The following NEGR1 variants were observed in gnomAD, a reference collection of about 807,000 sequenced individuals.
The protein encoded by NEGR1 is neuronal growth regulator 1.
Under a neutral mutation model 40.9 loss-of-function variants are expected in NEGR1, and 10 were observed. That is an observed-to-expected ratio of 0.24 (90% CI 0.15 to 0.42). The LOEUF is 0.42. NEGR1 is among the 10% of genes least tolerant of loss of function. The pLI is 1.00. For synonymous variants in NEGR1, 185 were observed against 166.8 expected (o/e 1.11, Z -0.84); for missense variants, 352 against 438.9 (o/e 0.80, Z 1.77).
At chr1:72,030,133 T>C (rs1646844323) in intron 1 of NEGR1, among the ~76,000 whole-genome samples, 1 of 152,054 alleles carries the variant, frequency 6.6e-6, no homozygotes, top group African/African-American at 2.4e-5. Context: ...TGGTGCTCAC[T>C]TGACACAAGT....
chr1:71,857,626 CAAAAAAAAAAAAAA>C (rs59343025), intron 2 of NEGR1, among the ~76,000 whole-genome samples: 62 of 53,436 alleles, frequency 1.2e-3, no homozygotes, highest in Middle Eastern at 0.016. Flanking sequence ...GATCCTGTCT[CAAAAAAAAAAAAAA>C]AAAAAAAAAA....
intron 4 of NEGR1, among the ~76,000 whole-genome samples, chr1:71,668,776 T>A (rs1652321837): frequency 6.6e-6 from 1 of 152,042 alleles, no homozygotes; most frequent in African/African-American, 2.4e-5. Context: ...GGGGAGAAAG[T>A]CTTGCAGAAG....
chr1:71,986,053 A>G (rs1646391364), intron 1 of NEGR1, among the ~76,000 whole-genome samples: 1 of 152,258 alleles, frequency 6.6e-6, no homozygotes, highest in African/African-American at 2.4e-5. Context: ...TTGAGTATAC[A>G]TGAAGTGGAA....
At chr1:71,445,430 T>C (rs1646575262) in intron 6 of NEGR1, among the ~76,000 whole-genome samples, 1 of 150,610 alleles carries the variant, frequency 6.6e-6, no homozygotes, top group Non-Finnish European at 1.5e-5. Context: ...AAAAAAAAAC[T>C]CCAAATATTG....
In NEGR1 at chr1:71,935,119, T is replaced by C. The variant is rs1218273269; in HGVS notation, c.369A>G (p.Gln123=). 2.4e-5 allele frequency: 38 copies of C among 1,613,240 alleles called. No homozygotes were observed. The Admixed American group carries it at 5.0e-4, about 21-fold the overall frequency. Residue 123 remains glutamine (Q), a synonymous_variant, in exon 2 of 7, where the codon CAA becomes CAG. Transcript: ENST00000357731. The part of the protein sequence containing the change: ...DGPYTCSVQT[Q]HTPRTMQVHL... ...GCACCTGCATTGTTCTGGGTGTATG[T>C]TGAGTCTGAACAGAACACGTGTATG...
intron 1 of NEGR1, among the ~76,000 whole-genome samples, chr1:71,960,819 A>G (rs1425601301): frequency 6.6e-6 from 1 of 152,172 alleles, no homozygotes; most frequent in East Asian, 1.9e-4. Context: ...AATTCAACTC[A>G]GTCAGCTCTT....
chr1:71,548,285 G>T (rs373033543), intron 6 of NEGR1, among the ~76,000 whole-genome samples: 2 of 151,678 alleles, frequency 1.3e-5, no homozygotes, highest in East Asian at 2.0e-4. Flanking sequence ...GATTCTGTAG[G>T]CTCAGGGATC....
chr1:71,737,133 A>G (rs770359497), intron 3 of NEGR1, among the ~76,000 whole-genome samples: 1 of 152,222 alleles, frequency 6.6e-6, no homozygotes, highest in African/African-American at 2.4e-5. Context: ...CAAAGTAGAG[A>G]TGTAACCTGA....
At chr1:71,575,969 G>T (rs1570053313) in intron 6 of NEGR1, among the ~76,000 whole-genome samples, 4 of 152,182 alleles carry the variant, frequency 2.6e-5, no homozygotes, top group African/African-American at 9.7e-5. Context: ...TTTAAAGAGA[G>T]TTCTGTGTCC....
intron 3 of NEGR1, among the ~76,000 whole-genome samples, chr1:71,764,960 A>G (rs896003356): frequency 6.6e-6 from 1 of 152,142 alleles, no homozygotes; most frequent in Non-Finnish European, 1.5e-5. Context: ...TACAAAAACC[A>G]GTGATGACCA....
chr1:71,662,795 A>T (rs1289779287), intron 4 of NEGR1, among the ~76,000 whole-genome samples: 1 of 151,860 alleles, frequency 6.6e-6, no homozygotes, highest in African/African-American at 2.4e-5. Flanking sequence ...GACTTTTAAA[A>T]ATGTAACTAA....
chr1:71,954,179 C>T (rs946977012), intron 1 of NEGR1, among the ~76,000 whole-genome samples: 1 of 151,638 alleles, frequency 6.6e-6, no homozygotes, highest in Admixed American at 6.6e-5. Context: ...GCAGGGGACA[C>T]CAAGAGAAAC....
intron 2 of NEGR1, among the ~76,000 whole-genome samples, chr1:71,923,991 C>T (rs1645747268): frequency 6.6e-6 from 1 of 151,938 alleles, no homozygotes; most frequent in African/African-American, 2.4e-5. Flanking sequence ...TCACTGTAGC[C>T]TCCACCTTTT....
chr1:71,473,888 G>A (rs1053114416), intron 6 of NEGR1, among the ~76,000 whole-genome samples: 4 of 151,984 alleles, frequency 2.6e-5, no homozygotes, highest in Non-Finnish European at 2.9e-5. Flanking sequence ...AAACACATCC[G>A]AAAGTAAGAA....
chr1:72,247,166 T>C (rs1654929485), intron 1 of NEGR1, among the ~76,000 whole-genome samples: 2 of 152,166 alleles, frequency 1.3e-5, no homozygotes, highest in Non-Finnish European at 2.9e-5. Flanking sequence ...TAAAATGCCT[T>C]TGAGGCCTTT....
At chr1:72,069,950 A>G (rs11810075) in intron 1 of NEGR1, among the ~76,000 whole-genome samples, 2,278 of 152,008 alleles carry the variant, frequency 0.015, 54 homozygotes, top group African/African-American at 0.052. Context: ...CTGTTTTTTG[A>G]TTCTATCAAA....
intron 1 of NEGR1, among the ~76,000 whole-genome samples, chr1:72,041,537 A>G (rs1646954130): frequency 6.6e-6 from 1 of 150,780 alleles, no homozygotes; most frequent in Non-Finnish European, 1.5e-5. Context: ...CAGTGGGTTA[A>G]CAACTGCACC....
At chr1:71,869,124 T>G (rs1448798339) in intron 2 of NEGR1, among the ~76,000 whole-genome samples, 1 of 152,224 alleles carries the variant, frequency 6.6e-6, no homozygotes, top group Admixed American at 6.5e-5. Flanking sequence ...GGCAGAATCC[T>G]TTCATGACTT....
At chr1:71,735,573 T>C (rs6657641) in intron 3 of NEGR1, among the ~76,000 whole-genome samples, 1 of 151,564 alleles carries the variant, frequency 6.6e-6, no homozygotes, top group Non-Finnish European at 1.5e-5. Flanking sequence ...AGACACTGGA[T>C]TGAAAAAAAT....
Sources: gnomAD v4.1 joint callset for allele counts (sites outside exome capture counted in the v4.1 genomes callset) on GRCh38, gnomAD v4.1.1 for gene constraint, MANE v1.5 for transcripts, NCBI Gene and HGNC (gene_info 2026-07-23, HGNC 2026-07-21) for gene names.